The following ATG7 variants were observed in gnomAD, a reference collection of about 807,000 sequenced individuals.
ATG7 encodes the protein autophagy related 7, also known as ubiquitin-like modifier-activating enzyme ATG7.
In ATG7, 70 loss-of-function variants were observed where a neutral mutation model predicts 82.4. The ratio of observed to expected loss-of-function variants is 0.85; its 90% CI spans 0.70 to 1.04. The LOEUF (loss-of-function observed/expected upper bound fraction) is 1.04, where lower values mean the gene tolerates loss of function less well. Among genes scored for constraint, ATG7 ranks in the 50% least tolerant of loss-of-function variants. The pLI, the probability that ATG7 is intolerant of heterozygous loss-of-function variation, is 0.00. For synonymous variants in ATG7, 287 were observed against 313.0 expected (o/e 0.92, Z 0.88); for missense variants, 792 against 864.3 (o/e 0.92, Z 1.05).
chr3:11,541,553 T>G (rs1190105460), intron 20 of ATG7, among the ~76,000 whole-genome samples: 1 of 152,216 alleles, frequency 6.6e-6, no homozygotes, highest in Non-Finnish European at 1.5e-5. Context: ...CATGCCTCCC[T>G]AGGATTGGAT....
At chr3:11,506,537 G>A (rs2091721941) in intron 20 of ATG7, among the ~76,000 whole-genome samples, 1 of 129,930 alleles carries the variant, frequency 7.7e-6, no homozygotes, top group African/African-American at 3.1e-5. Context: ...GGTCAACATG[G>A]TGAAACCCCA....
intron 20 of ATG7, among the ~76,000 whole-genome samples, chr3:11,467,274 C>G (rs570191829): frequency 6.6e-6 from 1 of 152,362 alleles, no homozygotes; most frequent in African/African-American, 2.4e-5. Flanking sequence ...TTTAAATTCA[C>G]TACTTATTAG....
At chr3:11,566,128 G>A in the ATG7 span, among the ~76,000 whole-genome samples, 218 of 152,254 alleles carry the variant, frequency 1.4e-3, 1 homozygote, top group African/African-American at 4.8e-3. Context: ...CCCCCGTCCC[G>A]GACTGGCTGA....
intron 18 of ATG7, among the ~76,000 whole-genome samples, chr3:11,378,764 A>G (rs946597155): frequency 6.6e-6 from 1 of 151,686 alleles, no homozygotes; most frequent in Non-Finnish European, 1.5e-5. Context: ...AAGTATGCAC[A>G]AACAGTTAAC....
chr3:11,562,734 G>A, the ATG7 span, among the ~76,000 whole-genome samples: 2 of 152,252 alleles, frequency 1.3e-5, no homozygotes, highest in Non-Finnish European at 1.5e-5. Context: ...AGGAGGGCAG[G>A]ACTGACCAAC....
intron 3 of ATG7, among the ~76,000 whole-genome samples, chr3:11,285,665 T>C (rs1448948746): frequency 6.6e-6 from 1 of 152,188 alleles, no homozygotes; most frequent in Non-Finnish European, 1.5e-5. Flanking sequence ...GTAATCACCA[T>C]TCTAACTTCT....
intron 20 of ATG7, among the ~76,000 whole-genome samples, chr3:11,469,888 G>T (rs1184443393): frequency 6.6e-6 from 1 of 151,360 alleles, no homozygotes. Flanking sequence ...TACTTGGAAG[G>T]CTGAGGCAGG....
At chr3:11,511,935 C>A (rs984515556) in intron 20 of ATG7, among the ~76,000 whole-genome samples, 2 of 152,318 alleles carry the variant, frequency 1.3e-5, no homozygotes, top group African/African-American at 4.8e-5. Context: ...TCCAGCTGGC[C>A]TGCAAGCGCC....
rs549602922 is a variant in ATG7 at position 11,370,725 on chromosome 3, A to G, written c.1875+5991A>G. Among the ~76,000 whole-genome samples the G allele has an allele frequency of 1.3e-4, 20 of 151,286 alleles. 1 individual carries two copies. In the South Asian group the frequency reaches 3.8e-3, roughly 29 times the overall value. ...CACCACCAGGGGTGGGTGGCCCAGA[A>G]AGAAAGAGGAACCTTTCTATTCTTG... On this transcript the variant is annotated intron_variant, in intron 18 of 20. Coordinates refer to ENST00000693202, the MANE Select transcript of ATG7 (RefSeq NM_001349232.2).
chr3:11,505,798 T>TG (rs770980611), intron 20 of ATG7, among the ~76,000 whole-genome samples: 16 of 152,224 alleles, frequency 1.1e-4, no homozygotes, highest in Non-Finnish European at 1.8e-4. Flanking sequence ...CTCCGTGGCT[T>TG]AAGTGCTAGT....
At chr3:11,417,800 A>ATTTTTTTTGTTTTTTTTTT (rs1314378737) in intron 19 of ATG7, among the ~76,000 whole-genome samples, 1 of 109,368 alleles carries the variant, frequency 9.1e-6, no homozygotes, top group African/African-American at 3.2e-5. Flanking sequence ...TATTATTATT[A>ATTTTTTTTGTTTTTTTTTT]TTTTATTTTA....
chr3:11,315,266 C>CT lies in ATG7; in HGVS notation c.529-70dup, dbSNP rs200605522. 5.4e-3 allele frequency: 6,976 copies of CT among 1,297,602 alleles called. 212 individuals carry two copies. In the East Asian group the frequency reaches 0.058, roughly 11 times the overall value. The allele number at this position is 1,297,602 out of a possible 1,614,324, so 80.4% of individuals were successfully genotyped here. A position where few individuals can be genotyped will look rare whatever the true frequency, so the allele number is the denominator to read the frequency against. ...TTCTAGTCTTCTGGTTTTAAGGTAC[C>CT]TTTTTTTTGAGTTAGTTTTTAGCCC... is the stretch of plus-strand genomic sequence containing the variant. On this transcript the variant is annotated intron_variant, in intron 8 of 20. Transcript: ENST00000693202.
intron 20 of ATG7, among the ~76,000 whole-genome samples, chr3:11,428,029 T>C (rs7642605): frequency 0.87 from 133,181 of 152,220 alleles, 58,638 homozygotes; most frequent in East Asian, 1. Context: ...CCACAAACTA[T>C]ATAAGGAAAA....
At chr3:11,570,719 A>G in the ATG7 span, among the ~76,000 whole-genome samples, 1 of 152,206 alleles carries the variant, frequency 6.6e-6, no homozygotes, top group Non-Finnish European at 1.5e-5. Flanking sequence ...GAACATTTAA[A>G]TGTTGGGCAT....
chr3:11,354,331 A>AGTTT (rs2075775138), intron 14 of ATG7, among the ~76,000 whole-genome samples: 1 of 152,166 alleles, frequency 6.6e-6, no homozygotes, highest in Non-Finnish European at 1.5e-5. Context: ...TTTATAAATC[A>AGTTT]TATAGCTATT....
chr3:11,433,165 A>G (rs2083058697), intron 20 of ATG7, among the ~76,000 whole-genome samples: 1 of 151,762 alleles, frequency 6.6e-6, no homozygotes, highest in Admixed American at 6.6e-5. Flanking sequence ...ATGGTGACAC[A>G]CCAGCTACTT....
At chr3:11,572,972 G>T in the ATG7 span, among the ~76,000 whole-genome samples, 2 of 151,830 alleles carry the variant, frequency 1.3e-5, no homozygotes, top group Admixed American at 6.6e-5. Flanking sequence ...GTTTGAGACC[G>T]GCCTGACCAA....
At chr3:11,301,947 A>G (rs1306757048) in intron 5 of ATG7, among the ~76,000 whole-genome samples, 15 of 152,246 alleles carry the variant, frequency 9.9e-5, no homozygotes, top group Non-Finnish European at 4.4e-5. Context: ...ACAAAATGTG[A>G]GCATCTTAAA....
chr3:11,287,026 C>T (rs1471210858), intron 3 of ATG7, among the ~76,000 whole-genome samples: 1 of 152,016 alleles, frequency 6.6e-6, no homozygotes, highest in Admixed American at 6.6e-5. Flanking sequence ...CTCAGCCTTC[C>T]GAAGTGCTGG....
Sources: gnomAD v4.1 joint callset for allele counts (sites outside exome capture counted in the v4.1 genomes callset) on GRCh38, gnomAD v4.1.1 for gene constraint, MANE v1.5 for transcripts, NCBI Gene and HGNC (gene_info 2026-07-23, HGNC 2026-07-21) for gene names.